The following BBS9 variants were observed in gnomAD, a reference collection of about 807,000 sequenced individuals.
The protein encoded by BBS9 is protein PTHB1.
Under a neutral mutation model 117.7 loss-of-function variants are expected in BBS9, and 89 were observed. That is an observed-to-expected ratio of 0.76 (90% CI 0.64 to 0.90). The LOEUF (loss-of-function observed/expected upper bound fraction) is 0.90, where lower values mean the gene tolerates loss of function less well. Ranked by LOEUF, BBS9 falls within the 40% of genes least tolerant of loss-of-function variation. BBS9 has a pLI of 0.00. For synonymous variants in BBS9, 379 were observed against 370.9 expected, an observed-to-expected ratio of 1.02 and a Z score of -0.25; for missense variants, 982 against 1,042.2, an observed-to-expected ratio of 0.94 and a Z score of 0.80.
chr7:33,422,976 T>G (rs1833080897), intron 19 of BBS9, among the ~76,000 whole-genome samples: 1 of 152,156 alleles, frequency 6.6e-6, no homozygotes, highest in Non-Finnish European at 1.5e-5. Context: ...GAAGGAATAC[T>G]GGCTGGAAGA....
Position 33,340,897 on chromosome 7 carries a change from G to A in BBS9, c.1199G>A (p.Gly400Asp), listed in dbSNP as rs1312526837. 1.2e-5 allele frequency: 20 copies of A among 1,612,382 alleles called. No individual in the cohort carries two copies. Among genetic ancestry groups the A allele is most frequent in the Non-Finnish European group, 1.6e-5 (19 of 1,179,052 alleles). ...KIIKDVNKSQ[G>D]VWPMTEREDD... ...TAATTTTTCTTTTTTTAAATCACAGGTGTTTGGCCCATGACTGAGAGAGAA... is the reference window on the plus strand; with the variant it reads ...TAATTTTTCTTTTTTTAAATCACAGATGTTTGGCCCATGACTGAGAGAGAA... Residue 400 changes from glycine (G) to aspartate (D), a missense_variant and splice_region_variant, in exon 11 of 23, where the codon GGT (glycine) becomes GAT (aspartate). Transcript: ENST00000242067.
rs1329358351 is a variant in BBS9 at position 33,210,923 on chromosome 7, A to T, written c.442+33332A>T. Among the ~76,000 whole-genome samples the T allele has an allele frequency of 2.6e-5, 4 of 152,002 alleles. No homozygotes were observed. In the East Asian group the frequency reaches 7.7e-4, roughly 29 times the overall value. On this transcript the variant is annotated intron_variant, in intron 5 of 22. Transcript: ENST00000242067. ...TTGACTCCTGTATCATTGTATGATG[A>T]CCTTCTTTGTCTCTTATTACAGTTT...
intron 19 of BBS9, among the ~76,000 whole-genome samples, chr7:33,495,753 G>A (rs1433097018): frequency 1.3e-5 from 2 of 152,088 alleles, no homozygotes; most frequent in African/African-American, 2.4e-5. Flanking sequence ...GAGATCAGTT[G>A]TATTTTTAAC....
At chr7:33,449,811 G>A (rs1032199018) in intron 19 of BBS9, among the ~76,000 whole-genome samples, 3 of 152,140 alleles carry the variant, frequency 2.0e-5, no homozygotes, top group Non-Finnish European at 4.4e-5. Flanking sequence ...CAATAACAGA[G>A]ATACTCTTCC....
At position 33,139,135 on chromosome 7, in the gene BBS9, C is replaced by T. The variant is rs537471939; in HGVS notation, c.-11-7107C>T. Reference sequence around the variant, plus strand: ...GGCGTGGTGGCGCATGCCTGTAATACCAGCTATTCAGGAGGCTGAGGCAGG... The same window carrying T: ...GGCGTGGTGGCGCATGCCTGTAATATCAGCTATTCAGGAGGCTGAGGCAGG... On this transcript the variant is annotated intron_variant, in intron 1 of 22. Coordinates refer to ENST00000242067, the MANE Select transcript of BBS9 (RefSeq NM_198428.3). Among the ~76,000 whole-genome samples, 2 of 151,214 alleles carry T rather than the reference C, an allele frequency of 1.3e-5. 1 individual carries two copies. Among genetic ancestry groups the T allele is most frequent in the South Asian group, 4.2e-4 (2 of 4,792 alleles).
chr7:33,132,997 G>T (rs7806637), intron 1 of BBS9, among the ~76,000 whole-genome samples: 126,225 of 152,074 alleles, frequency 0.83, 52,381 homozygotes, highest in Admixed American at 0.86. Flanking sequence ...ACTATGTTGC[G>T]CAGGCTGGTC....
chr7:33,478,425 A>G (rs1842080618), intron 19 of BBS9, among the ~76,000 whole-genome samples: 1 of 152,144 alleles, frequency 6.6e-6, no homozygotes, highest in African/African-American at 2.4e-5. Context: ...TAGTTTTCTG[A>G]TTGTGGAATT....
At chr7:33,208,865 A>G (rs1355237433) in intron 5 of BBS9, among the ~76,000 whole-genome samples, 2 of 151,962 alleles carry the variant, frequency 1.3e-5, no homozygotes, top group African/African-American at 2.4e-5. Flanking sequence ...GGTACATGAG[A>G]TATTTTGATA....
At chr7:33,372,175 A>G (rs1250021291) in intron 17 of BBS9, among the ~76,000 whole-genome samples, 1 of 152,148 alleles carries the variant, frequency 6.6e-6, no homozygotes, top group Non-Finnish European at 1.5e-5. Flanking sequence ...GAGTTCAGAG[A>G]GATTGCAGAT....
chr7:33,402,722 G>C (rs1829116594), intron 19 of BBS9, among the ~76,000 whole-genome samples: 1 of 152,128 alleles, frequency 6.6e-6, no homozygotes, highest in Non-Finnish European at 1.5e-5. Flanking sequence ...GAATCAGGCA[G>C]TACCTGTGCA....
At chr7:33,428,135 A>G (rs529465532) in intron 19 of BBS9, among the ~76,000 whole-genome samples, 184 of 152,280 alleles carry the variant, frequency 1.2e-3, no homozygotes, top group African/African-American at 4.2e-3. Context: ...AACAATATTA[A>G]TAATTGCACC....
chr7:33,333,857 C>T (rs1414336490), intron 9 of BBS9, among the ~76,000 whole-genome samples: 2 of 152,196 alleles, frequency 1.3e-5, no homozygotes, highest in African/African-American at 2.4e-5. Context: ...AGCGATCCAC[C>T]TGCCTCGGCT....
At chr7:33,599,661 T>C (rs950382415) in intron 21 of BBS9, among the ~76,000 whole-genome samples, 2 of 152,222 alleles carry the variant, frequency 1.3e-5, no homozygotes, top group Non-Finnish European at 2.9e-5. Context: ...GTTGGTTCTA[T>C]GCTGATTGTT....
At chr7:33,166,975 G>T (rs910272698) in intron 4 of BBS9, among the ~76,000 whole-genome samples, 1 of 152,196 alleles carries the variant, frequency 6.6e-6, no homozygotes, top group African/African-American at 2.4e-5. Context: ...AGTCACGCTG[G>T]GAGCTGCAGA....
At position 33,280,918 on chromosome 7, in the gene BBS9, T is replaced by TG. The variant is rs1335100304; in HGVS notation, c.1016+6962_1016+6963insG. Among the ~76,000 whole-genome samples the TG allele has an allele frequency of 9.5e-5, 14 of 147,002 alleles. 1 individual carries two copies. The highest frequency in any genetic ancestry group is 3.2e-4 in the African/African-American group (13 of 40,290). ...TGTTAATTTGTCGTTTTTGTTTTTTTTTTTTTTTTTTTGCATTATAGAAAG... is the reference window on the plus strand; with the variant it reads ...TGTTAATTTGTCGTTTTTGTTTTTTTGTTTTTTTTTTTTGCATTATAGAAAG... On this transcript the variant is annotated intron_variant, in intron 9 of 22. Transcript: ENST00000242067.
At chr7:33,264,820 G>A (rs1798544765) in intron 7 of BBS9, among the ~76,000 whole-genome samples, 1 of 152,052 alleles carries the variant, frequency 6.6e-6, no homozygotes, top group Admixed American at 6.6e-5. Flanking sequence ...GATTTGTTAA[G>A]CTTCTTGCAT....
chr7:33,167,554 C>A (rs900415735), intron 4 of BBS9, among the ~76,000 whole-genome samples: 3 of 152,034 alleles, frequency 2.0e-5, no homozygotes, highest in Admixed American at 1.3e-4. Flanking sequence ...AGGTGCCCAC[C>A]ACCATGTCCA....
At chr7:33,427,439 A>T (rs755409259) in intron 19 of BBS9, among the ~76,000 whole-genome samples, 4 of 152,162 alleles carry the variant, frequency 2.6e-5, no homozygotes, top group Non-Finnish European at 4.4e-5. Flanking sequence ...TGGACTATTG[A>T]CTTTCCTGGC....
chr7:33,586,386 AAAT>A (rs1171870593), intron 21 of BBS9, among the ~76,000 whole-genome samples: 1 of 151,836 alleles, frequency 6.6e-6, no homozygotes, highest in South Asian at 2.1e-4. Context: ...AAGTAAAAAA[AAAT>A]AAATAACAGA....
Sources: allele counts gnomAD v4.1 joint callset (sites outside exome capture counted in the v4.1 genomes callset), GRCh38; gene constraint gnomAD v4.1.1; transcripts MANE v1.5; gene names NCBI Gene and HGNC (gene_info 2026-07-23, HGNC 2026-07-21).